Variants in ABCC3 observed in about 807,000 individuals in gnomAD.
The protein encoded by ABCC3 is ATP binding cassette subfamily C member 3.
ABCC3 carries 121 observed loss-of-function variants against 165.3 expected under a neutral mutation model. The ratio of observed to expected loss-of-function variants is 0.73; its 90% CI spans 0.63 to 0.85. The LOEUF (loss-of-function observed/expected upper bound fraction) is 0.85. Among genes scored for constraint, ABCC3 ranks in the 40% least tolerant of loss-of-function variants. The probability of loss-of-function intolerance (pLI) is 0.00; values close to 1 mark genes in which losing one functional copy is unlikely to be tolerated. For missense variants in ABCC3, 1,869 were observed against 1,964.1 expected, an observed-to-expected ratio of 0.95 and a Z score of 0.92; for synonymous variants, 733 against 810.1, an observed-to-expected ratio of 0.90 and a Z score of 1.62.
Position 50,635,447 on chromosome 17 carries a change from C to A in ABCC3, c.45+466C>A, listed in dbSNP as rs1043981063. On this transcript the variant is annotated intron_variant, in intron 1 of 30. Coordinates refer to ENST00000285238, the MANE Select transcript of ABCC3 (RefSeq NM_003786.4). ...CAGGGCATCCAGAGCACCTGCTCAA[C>A]CAGGTGTTTTGGGAGGCCGGCTGTG... The A allele has an allele frequency of 3.7e-5, 26 of 702,168 alleles. No homozygotes were observed. The South Asian group carries it at 3.8e-4, about 10-fold the overall frequency. The allele number at this position is 702,168 out of a possible 1,614,324, so 43.5% of individuals were successfully genotyped here.
chr17:50,658,594 GC>G, intron 6 of ABCC3, 98 bp downstream of exon 6: 1 of 1,348,560 alleles, frequency 7.4e-7, no homozygotes, highest in Non-Finnish European at 1.1e-6. Flanking sequence ...GACCGGGCTG[GC>G]CACCTATCCC....
At chr17:50,685,210 C>G (rs1343076886) in intron 29 of ABCC3, among the ~76,000 whole-genome samples, 2 of 152,164 alleles carry the variant, frequency 1.3e-5, no homozygotes, top group Non-Finnish European at 2.9e-5. Flanking sequence ...TTTGAGGAAG[C>G]CCTCTCCCCT....
chr17:50,681,941 C>T (rs1438662917), intron 26 of ABCC3, among the ~76,000 whole-genome samples: 1 of 152,178 alleles, frequency 6.6e-6, no homozygotes, highest in Admixed American at 6.5e-5. Flanking sequence ...TCCAGTTCCC[C>T]TGCTTCATGT....
At chr17:50,658,310 G>A (rs1967302385) in intron 5 of ABCC3, 103 bp downstream of exon 5, 5 of 1,590,108 alleles carry the variant, frequency 3.1e-6, no homozygotes, top group Middle Eastern at 1.7e-4. Flanking sequence ...GTGGGAGAGA[G>A]GTCATCCCCA....
chr17:50,687,814 T>C, intron 30 of ABCC3, 84 bp downstream of exon 30: 1 of 1,379,988 alleles, frequency 7.2e-7, no homozygotes, highest in Non-Finnish European at 1.0e-6. Context: ...TAGGGTTATC[T>C]GAACAAGGCA....
At chr17:50,672,579 G>T (rs1169455688) in intron 17 of ABCC3, among the ~76,000 whole-genome samples, 1 of 152,138 alleles carries the variant, frequency 6.6e-6, no homozygotes, top group Non-Finnish European at 1.5e-5. Context: ...TGCTGTTCTG[G>T]TCAGGCACAG....
intron 27 of ABCC3, 29 bp downstream of exon 27, chr17:50,683,785 T>A: frequency 1.3e-6 from 2 of 1,593,990 alleles, no homozygotes; most frequent in Non-Finnish European, 1.7e-6. Context: ...GGCCTGCGTG[T>A]GTGTTCATGC....
rs1273183207 is a variant in ABCC3, at chr17:50,660,995, G to A, written c.879G>A (p.Arg293=). 1 of 1,614,022 alleles carries A rather than the reference G, an allele frequency of 6.2e-7. No homozygotes were observed. Among genetic ancestry groups the A allele is most frequent in the East Asian group, 2.2e-5 (1 of 44,874 alleles). ...AGGTGCTGCTGGGTGCCCGGCCCAG[G>A]CCCCGGAAGCCCTCCTTCCTGAAGG... ...EDEVLLGARP[R]PRKPSFLKAL... is the part of the protein sequence containing the mutation. Residue 293 remains arginine, a synonymous_variant, in exon 8 of 31, where the codon AGG becomes AGA. Transcript: ENST00000285238.
chr17:50,688,860 G>A lies in ABCC3; in HGVS notation c.4475+1130G>A, dbSNP rs115302716. On this transcript the variant is annotated intron_variant, in intron 30 of 30. Transcript: ENST00000285238. ...AAAGATTGCAGTGAGCCAAGATTAC[G>A]CCAGGACACTCCAGTCTGAGTGACA... 4.6e-3 allele frequency among the ~76,000 whole-genome samples: 692 copies of A among 151,098 alleles called. 3 individuals carry two copies. The highest frequency in any genetic ancestry group is 0.016 in the African/African-American group (661 of 41,036).
chr17:50,659,032 G>T (rs1296260606), intron 6 of ABCC3: 3 of 530,608 alleles, frequency 5.7e-6, no homozygotes, highest in Non-Finnish European at 9.9e-6. Context: ...GGAGAAGGGG[G>T]TAGTGGTAGG....
Position 50,634,924 on chromosome 17 carries a change from G to T in ABCC3, c.-13G>T. 8.0e-7 allele frequency: 1 copy of T among 1,254,372 alleles called. No individual in the cohort carries two copies. The allele number at this position is 1,254,372 out of a possible 1,614,324, so 77.7% of individuals were successfully genotyped here. ...GACCGCGCTCGCCTTCCTTGCAGCC[G>T]CGCCTCGGCCCCATGGACGCCCTGT... is the stretch of plus-strand genomic sequence containing the variant. On this transcript the variant is annotated 5_prime_UTR_variant, in exon 1 of 31. Coordinates refer to ENST00000285238, the MANE Select transcript of ABCC3 (RefSeq NM_003786.4).
chr17:50,679,927 G>T, intron 26 of ABCC3, 28 bp downstream of exon 26: 2 of 1,589,096 alleles, frequency 1.3e-6, no homozygotes, highest in South Asian at 2.2e-5. Context: ...CCCGGGACAG[G>T]GGGAATCTGA....
chr17:50,657,306 G>GT, intron 4 of ABCC3, 123 bp downstream of exon 4: 3 of 1,314,806 alleles, frequency 2.3e-6, no homozygotes, highest in Non-Finnish European at 2.1e-6. Flanking sequence ...ACACAATTGT[G>GT]TTGTTCTCCA....
intron 1 of ABCC3, among the ~76,000 whole-genome samples, chr17:50,647,746 C>T (rs980894211): frequency 7.2e-5 from 11 of 152,148 alleles, no homozygotes; most frequent in Non-Finnish European, 1.3e-4. Flanking sequence ...CTATTTAATT[C>T]GCCCTTGGAG....
intron 26 of ABCC3, among the ~76,000 whole-genome samples, chr17:50,682,015 C>T (rs1300262905): frequency 1.3e-5 from 2 of 152,104 alleles, no homozygotes; most frequent in Non-Finnish European, 2.9e-5. Context: ...AATGTCTGCC[C>T]TCAACCCCAC....
Position 50,673,114 on chromosome 17 carries a change from G to T in ABCC3, c.2385G>T (p.Gly795=). Residue 795 remains glycine, a synonymous_variant, in exon 18 of 31, where the codon GGG becomes GGT. Coordinates refer to ENST00000285238, the MANE Select transcript of ABCC3 (RefSeq NM_003786.4). ...AGCACATCTTTGACCACGTCATCGG[G>T]CCAGAAGGCGTGCTGGCAGGCAAGG... is the stretch of plus-strand genomic sequence containing the variant. ...VAKHIFDHVI[G]PEGVLAGKTR... is the part of the protein sequence containing the mutation. 5 of 1,614,030 alleles carry T rather than the reference G, an allele frequency of 3.1e-6. No individual in the cohort carries two copies. Among genetic ancestry groups the T allele is most frequent in the Non-Finnish European group, 4.2e-6 (5 of 1,180,038 alleles).
In ABCC3 at chr17:50,644,181, G is replaced by T. The variant is rs5024132; in HGVS notation, c.45+9200G>T. 9.3e-5 allele frequency among the ~76,000 whole-genome samples: 14 copies of T among 150,718 alleles called. No homozygotes were observed. The South Asian group carries it at 2.8e-3, about 30-fold the overall frequency. On this transcript the variant is annotated intron_variant, in intron 1 of 30. Transcript: ENST00000285238. ...CAAAAATTAGCTGGGCGTGGTGGCG[G>T]GCATCTGTAATCCCAGCTACTCAGG...
At chr17:50,650,575 G>A (rs555879566) in intron 1 of ABCC3, among the ~76,000 whole-genome samples, 2 of 152,212 alleles carry the variant, frequency 1.3e-5, no homozygotes, top group African/African-American at 4.8e-5. Flanking sequence ...CGAAAAATCA[G>A]TCATTTCACT....
chr17:50,686,407 T>G (rs941534229), intron 29 of ABCC3, among the ~76,000 whole-genome samples: 1 of 152,046 alleles, frequency 6.6e-6, no homozygotes, highest in Non-Finnish European at 1.5e-5. Context: ...GCCACCTCCC[T>G]CACCTGGACA....
Sources: allele counts gnomAD v4.1 joint callset (sites outside exome capture counted in the v4.1 genomes callset), GRCh38; gene constraint gnomAD v4.1.1; transcripts MANE v1.5; gene names NCBI Gene and HGNC (gene_info 2026-07-23, HGNC 2026-07-21).